The following BBS9 variants were observed in gnomAD, a reference collection of about 807,000 sequenced individuals.
The protein encoded by BBS9 is Bardet-Biedl syndrome 9, also known as protein PTHB1.
BBS9 carries 89 observed loss-of-function variants against 117.7 expected under a neutral mutation model. That is an observed-to-expected ratio of 0.76 (90% CI 0.64 to 0.90). The LOEUF (loss-of-function observed/expected upper bound fraction) is 0.90, where lower values mean the gene tolerates loss of function less well. Ranked by LOEUF, BBS9 falls within the 40% of genes least tolerant of loss-of-function variation. The pLI, the probability that BBS9 is intolerant of heterozygous loss-of-function variation, is 0.00. For synonymous variants in BBS9, 379 were observed against 370.9 expected, an observed-to-expected ratio of 1.02 and a Z score of -0.25; for missense variants, 982 against 1,042.2, an observed-to-expected ratio of 0.94 and a Z score of 0.80.
At chr7:33,576,026 A>G (rs1015406179) in intron 21 of BBS9, among the ~76,000 whole-genome samples, 1 of 152,142 alleles carries the variant, frequency 6.6e-6, no homozygotes, top group Non-Finnish European at 1.5e-5. Flanking sequence ...CACCTCTCCT[A>G]TTCAATGTAG....
intron 5 of BBS9, among the ~76,000 whole-genome samples, chr7:33,232,817 A>G (rs1242830514): frequency 6.6e-6 from 1 of 152,098 alleles, no homozygotes; most frequent in Admixed American, 6.6e-5. Context: ...TCTGTTTCTA[A>G]TTTTATAAAC....
chr7:33,238,895 A>G (rs921447087), intron 5 of BBS9, among the ~76,000 whole-genome samples: 1 of 152,172 alleles, frequency 6.6e-6, no homozygotes, highest in Admixed American at 6.5e-5. Context: ...GTATACCCCT[A>G]TTAGTGGAAT....
intron 21 of BBS9, among the ~76,000 whole-genome samples, chr7:33,541,777 T>C (rs1852347624): frequency 6.6e-6 from 1 of 152,132 alleles, no homozygotes; most frequent in Non-Finnish European, 1.5e-5. Flanking sequence ...AGTATGTTAG[T>C]GGTTGCCTAG....
chr7:33,188,206 T>C (rs1443708010), intron 5 of BBS9, among the ~76,000 whole-genome samples: 1 of 151,660 alleles, frequency 6.6e-6, no homozygotes. Flanking sequence ...ATTCCAGCCC[T>C]TCATTTTTAT....
intron 21 of BBS9, among the ~76,000 whole-genome samples, chr7:33,537,504 C>T (rs1490012809): frequency 6.6e-6 from 1 of 152,160 alleles, no homozygotes; most frequent in African/African-American, 2.4e-5. Context: ...CTCTGGTGTT[C>T]ACATCTTTCT....
intron 19 of BBS9, among the ~76,000 whole-genome samples, chr7:33,432,253 T>G (rs1284448573): frequency 1.3e-5 from 2 of 149,628 alleles, no homozygotes; most frequent in Non-Finnish European, 1.5e-5. Flanking sequence ...GGACTACAGG[T>G]GCCCGCCACC....
chr7:33,601,540 A>G (rs1453498235), intron 21 of BBS9, among the ~76,000 whole-genome samples: 2 of 152,178 alleles, frequency 1.3e-5, no homozygotes, highest in Middle Eastern at 3.2e-3. Context: ...TAGCAAAAGT[A>G]TCAGATATAC....
At chr7:33,383,879 T>C in intron 18 of BBS9, 41 bp downstream of exon 18, 2 of 1,581,392 alleles carry the variant, frequency 1.3e-6, no homozygotes, top group South Asian at 1.1e-5. Context: ...AATCCTTAAA[T>C]ATATGAAAGA....
intron 19 of BBS9, among the ~76,000 whole-genome samples, chr7:33,492,330 A>C (rs553681630): frequency 4.6e-5 from 7 of 152,062 alleles, no homozygotes; most frequent in Admixed American, 6.6e-5. Context: ...TGACAAATAC[A>C]TTTTAAGTTG....
At chr7:33,583,947 G>A (rs565791359) in intron 21 of BBS9, among the ~76,000 whole-genome samples, 1 of 152,054 alleles carries the variant, frequency 6.6e-6, no homozygotes, top group East Asian at 1.9e-4. Context: ...CCTTTTAGAA[G>A]CACTTGATAG....
rs1346350710 is a variant in BBS9 at position 33,336,442 on chromosome 7, G to C, written c.1018G>C (p.Asp340His). The change falls in exon 10 of 23, where the codon GAT (aspartate) becomes CAT (histidine). Residue 340 changes from aspartate (D) to histidine (H), a missense_variant and splice_region_variant. Physicochemically the swap from Asp to His is moderately conservative, Grantham distance 81. Coordinates refer to ENST00000242067, the MANE Select transcript of BBS9 (RefSeq NM_198428.3). ...PVAVRVGCLH[D>H]LKGVIVTLSD... ...CTCATTTTCTCTTCCTTATTGTAGT[G>C]ATTTAAAGGGAGTGATAGTCACTCT... 6.2e-7 allele frequency: 1 copy of C among 1,612,512 alleles called. No homozygotes were observed. Among genetic ancestry groups the C allele is most frequent in the Non-Finnish European group, 8.5e-7 (1 of 1,178,786 alleles).
chr7:33,632,563 C>T (rs1865943224), intron 21 of BBS9, among the ~76,000 whole-genome samples: 1 of 152,196 alleles, frequency 6.6e-6, no homozygotes, highest in Non-Finnish European at 1.5e-5. Flanking sequence ...TGTCCTCCCT[C>T]TGGGTTCGCC....
chr7:33,495,723 T>C (rs1165604920), intron 19 of BBS9, among the ~76,000 whole-genome samples: 1 of 152,156 alleles, frequency 6.6e-6, no homozygotes, highest in Non-Finnish European at 1.5e-5. Flanking sequence ...GAAAAAAAGG[T>C]AAAAATAGTA....
intron 9 of BBS9, among the ~76,000 whole-genome samples, chr7:33,293,424 A>C (rs1279213571): frequency 6.6e-6 from 1 of 152,050 alleles, no homozygotes; most frequent in Non-Finnish European, 1.5e-5. Flanking sequence ...ATATGAGAGG[A>C]GATAAATCAA....
chr7:33,545,159 G>A (rs1585200330), intron 21 of BBS9, among the ~76,000 whole-genome samples: 1 of 152,170 alleles, frequency 6.6e-6, no homozygotes, highest in East Asian at 1.9e-4. Flanking sequence ...TTCTTCCTCT[G>A]CCTGTAGAGT....
chr7:33,581,948 C>T (rs191316744), intron 21 of BBS9, among the ~76,000 whole-genome samples: 1 of 149,988 alleles, frequency 6.7e-6, no homozygotes, highest in Non-Finnish European at 1.5e-5. Flanking sequence ...TTTGTGTTGT[C>T]TAGACAGTTT....
At chr7:33,517,312 C>T (rs1444138386) in intron 20 of BBS9, among the ~76,000 whole-genome samples, 1 of 152,208 alleles carries the variant, frequency 6.6e-6, no homozygotes, top group Non-Finnish European at 1.5e-5. Context: ...CTGTGCATGT[C>T]CCATTCCTAT....
intron 19 of BBS9, among the ~76,000 whole-genome samples, chr7:33,495,246 G>C (rs1221024902): frequency 6.6e-6 from 1 of 152,148 alleles, no homozygotes; most frequent in Non-Finnish European, 1.5e-5. Context: ...CTTTTTGGGA[G>C]CATGCCCTAC....
At chr7:33,500,669 A>G (rs1038771105) in intron 19 of BBS9, among the ~76,000 whole-genome samples, 4 of 152,236 alleles carry the variant, frequency 2.6e-5, no homozygotes, top group Admixed American at 2.6e-4. Context: ...CCACACATGA[A>G]ATATGGAGGC....
Sources: allele counts gnomAD v4.1 joint callset (sites outside exome capture counted in the v4.1 genomes callset), GRCh38; gene constraint gnomAD v4.1.1; transcripts MANE v1.5; gene names NCBI Gene and HGNC (gene_info 2026-07-23, HGNC 2026-07-21).